Variants in SPAG17 observed in about 807,000 individuals in gnomAD.
The protein encoded by SPAG17 is sperm associated antigen 17, also known as sperm-associated antigen 17.
A neutral mutation model predicts 273.6 loss-of-function variants in SPAG17; 169 were observed. The ratio of observed to expected loss-of-function variants is 0.62; its 90% CI spans 0.55 to 0.70. The LOEUF is 0.70. Among genes scored for constraint, SPAG17 ranks in the 30% least tolerant of loss-of-function variants. SPAG17 has a pLI of 0.00. For synonymous variants in SPAG17, 825 were observed against 873.2 expected (o/e 0.94, Z 0.97); for missense variants, 2,557 against 2,627.8 (o/e 0.97, Z 0.59).
At chr1:118,097,643 T>G in intron 7 of SPAG17, 27 bp downstream of exon 7, 1 of 1,527,118 alleles carries the variant, frequency 6.5e-7, no homozygotes, top group Non-Finnish European at 8.8e-7. Context: ...GTTAAAACCA[T>G]GCACTCTCAG....
intron 31 of SPAG17, among the ~76,000 whole-genome samples, chr1:118,007,676 A>T (rs1053041125): frequency 6.6e-6 from 1 of 152,188 alleles, no homozygotes; most frequent in Non-Finnish European, 1.5e-5. Flanking sequence ...ATGGATAATG[A>T]GAATGAGGGT....
At chr1:118,174,752 T>C (rs997437319) in intron 1 of SPAG17, among the ~76,000 whole-genome samples, 1 of 152,164 alleles carries the variant, frequency 6.6e-6, no homozygotes, top group African/African-American at 2.4e-5. Context: ...GGATTATCTA[T>C]AAGATTATCA....
In SPAG17 at chr1:118,045,376, C is replaced by A. The variant is rs146598122; in HGVS notation, c.2815-3334G>T. On this transcript the variant is annotated intron_variant, in intron 20 of 48. Transcript: ENST00000336338. ...AATCTATCACGCCCACATAACGAAA[C>A]CTCCGTAAAAACCTCTAAACAACAG... Among the ~76,000 whole-genome samples the A allele has an allele frequency of 1.6e-3, 244 of 152,272 alleles. 2 individuals carry two copies. Among genetic ancestry groups the A allele is most frequent in the Middle Eastern group, 6.8e-3 (2 of 294 alleles).
At chr1:118,102,978 A>T (rs1656169549) in intron 4 of SPAG17, among the ~76,000 whole-genome samples, 1 of 152,136 alleles carries the variant, frequency 6.6e-6, no homozygotes, top group African/African-American at 2.4e-5. Context: ...CACCCTTTGT[A>T]CCTGCTCCTC....
chr1:118,043,481 C>G (rs1158390645), intron 20 of SPAG17, among the ~76,000 whole-genome samples: 1 of 152,164 alleles, frequency 6.6e-6, no homozygotes, highest in East Asian at 1.9e-4. Flanking sequence ...AGACTCAAAA[C>G]TTACCACAAC....
At chr1:118,145,648 A>G (rs760158929) in intron 3 of SPAG17, among the ~76,000 whole-genome samples, 10 of 152,150 alleles carry the variant, frequency 6.6e-5, no homozygotes, top group Non-Finnish European at 1.2e-4. Flanking sequence ...ATTTTAAGAT[A>G]TATTTGTTAA....
intron 30 of SPAG17, among the ~76,000 whole-genome samples, chr1:118,010,755 A>G (rs992094691): frequency 7.2e-5 from 11 of 152,194 alleles, no homozygotes; most frequent in African/African-American, 2.7e-4. Flanking sequence ...AGCAAAAGAA[A>G]CTATCAACAG....
rs377508804 is a variant in SPAG17 at position 118,170,145 on chromosome 1, A to G, written c.87+14926T>C. Among the ~76,000 whole-genome samples the G allele has an allele frequency of 2.0e-5, 3 of 152,290 alleles. No homozygotes were observed. In the East Asian group the frequency reaches 5.8e-4, roughly 29 times the overall value. On this transcript the variant is annotated intron_variant, in intron 1 of 48. Coordinates refer to ENST00000336338, the MANE Select transcript of SPAG17 (RefSeq NM_206996.4). ...AGCTCTCCTGGTTCCCAAAACATACATTTCTTCATATTTCAAAGTAAATCA... is the reference window on the plus strand; with the variant it reads ...AGCTCTCCTGGTTCCCAAAACATACGTTTCTTCATATTTCAAAGTAAATCA...
intron 29 of SPAG17, among the ~76,000 whole-genome samples, chr1:118,013,796 A>C (rs1659705662): frequency 6.6e-6 from 1 of 152,206 alleles, no homozygotes; most frequent in Non-Finnish European, 1.5e-5. Flanking sequence ...AATCATTCTT[A>C]GTGGTGGCAA....
chr1:118,146,931 T>C (rs1659030638), intron 3 of SPAG17, among the ~76,000 whole-genome samples: 1 of 152,154 alleles, frequency 6.6e-6, no homozygotes, highest in South Asian at 2.1e-4. Context: ...AATGGCAATG[T>C]TTCCACAAAA....
chr1:118,109,816 C>T (rs1043023191), intron 4 of SPAG17, among the ~76,000 whole-genome samples: 3 of 151,958 alleles, frequency 2.0e-5, no homozygotes, highest in East Asian at 1.9e-4. Flanking sequence ...AAGAGATAGG[C>T]TAAACAAAGG....
chr1:118,118,327 A>C (rs1657212004), intron 3 of SPAG17, among the ~76,000 whole-genome samples: 1 of 152,160 alleles, frequency 6.6e-6, no homozygotes, highest in Admixed American at 6.5e-5. Context: ...ATGTGTGTGC[A>C]CTGGGGGGTA....
At chr1:117,962,418 T>C (rs1210152812) in intron 48 of SPAG17, 2 of 152,192 alleles carry the variant, frequency 1.3e-5, no homozygotes, top group African/African-American at 4.8e-5. Context: ...GACTAATATC[T>C]CTTGCATATT....
At chr1:117,990,377 A>G (rs1656945816) in intron 38 of SPAG17, among the ~76,000 whole-genome samples, 1 of 152,144 alleles carries the variant, frequency 6.6e-6, no homozygotes, top group Non-Finnish European at 1.5e-5. Flanking sequence ...CCATCTAACC[A>G]CATTTGTTAG....
intron 43 of SPAG17, among the ~76,000 whole-genome samples, chr1:117,976,806 C>A (rs1330234515): frequency 1.3e-5 from 2 of 152,312 alleles, no homozygotes; most frequent in East Asian, 3.9e-4. Flanking sequence ...TAAGCCACTA[C>A]AGGATTTGGC....
intron 15 of SPAG17, among the ~76,000 whole-genome samples, chr1:118,076,704 ATTAT>A (rs1210895583): frequency 6.6e-6 from 1 of 152,028 alleles, no homozygotes; most frequent in African/African-American, 2.4e-5. Flanking sequence ...AGTAATCTGA[ATTAT>A]TTATTTAATA....
chr1:118,170,852 T>C (rs182643667), intron 1 of SPAG17, among the ~76,000 whole-genome samples: 11 of 152,286 alleles, frequency 7.2e-5, no homozygotes, highest in Admixed American at 6.5e-4. Flanking sequence ...TTTGGTTATC[T>C]TGTGGGATAT....
intron 40 of SPAG17, among the ~76,000 whole-genome samples, chr1:117,985,526 A>G (rs1459380239): frequency 6.6e-6 from 1 of 152,198 alleles, no homozygotes; most frequent in African/African-American, 2.4e-5. Context: ...GAATGATGGA[A>G]CAGATAAAAA....
chr1:118,175,264 A>C (rs568170358), intron 1 of SPAG17, among the ~76,000 whole-genome samples: 3 of 152,106 alleles, frequency 2.0e-5, no homozygotes, highest in Non-Finnish European at 4.4e-5. Context: ...CCCTGACCTC[A>C]GGTGATCCAC....
Sources: allele counts gnomAD v4.1 joint callset (sites outside exome capture counted in the v4.1 genomes callset), GRCh38; gene constraint gnomAD v4.1.1; transcripts MANE v1.5; gene names NCBI Gene and HGNC (gene_info 2026-07-23, HGNC 2026-07-21).